CNOT7: variants seen among roughly 807,000 people sequenced by gnomAD.
CNOT7 encodes BTG1-binding factor 1.
A neutral mutation model predicts 37.1 loss-of-function variants in CNOT7; 4 were observed. The observed-to-expected ratio is 0.11, with a 90% confidence interval of 0.05 to 0.25. The LOEUF is 0.25. Ranked by LOEUF, CNOT7 falls within the 10% of genes least tolerant of loss-of-function variation. CNOT7 has a pLI of 1.00. For missense variants in CNOT7, 170 were observed against 336.2 expected (o/e 0.51, Z 3.87); for synonymous variants, 128 against 115.6 (o/e 1.11, Z -0.69).
intron 3 of CNOT7, among the ~76,000 whole-genome samples, chr8:17,238,894 C>A (rs1314562428): frequency 6.6e-6 from 1 of 152,202 alleles, no homozygotes; most frequent in Non-Finnish European, 1.5e-5. Context: ...GCCTCATCGC[C>A]AAAGCTAATT....
chr8:17,236,598 T>C (rs1809395439), intron 4 of CNOT7, among the ~76,000 whole-genome samples: 1 of 152,138 alleles, frequency 6.6e-6, no homozygotes, highest in Admixed American at 6.5e-5. Context: ...AGGGATGCCT[T>C]ATCACTTTAA....
chr8:17,234,667 C>G (rs1331502913), intron 5 of CNOT7, 49 bp downstream of exon 5: 17 of 1,599,170 alleles, frequency 1.1e-5, no homozygotes, highest in Non-Finnish European at 1.4e-5. Flanking sequence ...ATGACAGTCA[C>G]TTGGTCTGAA....
At chr8:17,244,119 G>C (rs1480140045) in intron 2 of CNOT7, among the ~76,000 whole-genome samples, 1 of 152,172 alleles carries the variant, frequency 6.6e-6, no homozygotes, top group Non-Finnish European at 1.5e-5. Context: ...GGTGTTGGGA[G>C]AGAAAGGATT....
intron 3 of CNOT7, among the ~76,000 whole-genome samples, chr8:17,237,805 G>A (rs1285290322): frequency 2.0e-5 from 3 of 152,202 alleles, no homozygotes; most frequent in African/African-American, 7.2e-5. Context: ...CCCATCTCCC[G>A]TGCTCTCAGC....
At chr8:17,233,967 T>A (rs528940272) in intron 5 of CNOT7, among the ~76,000 whole-genome samples, 2 of 152,180 alleles carry the variant, frequency 1.3e-5, no homozygotes, top group South Asian at 4.2e-4. Flanking sequence ...GGCAGGAGAA[T>A]CACTTGAACC....
At chr8:17,232,303 CAT>C in intron 6 of CNOT7, 122 bp downstream of exon 6, 1 of 1,553,580 alleles carries the variant, frequency 6.4e-7, no homozygotes, top group Non-Finnish European at 8.6e-7. Context: ...GGATGTGACT[CAT>C]ATGGTATCTC....
At chr8:17,234,890 G>C (rs1400313379) in intron 4 of CNOT7, 30 bp from the exon 5 acceptor site, 2 of 1,603,394 alleles carry the variant, frequency 1.2e-6, no homozygotes, top group Admixed American at 1.7e-5. Flanking sequence ...ATAGAGAAGA[G>C]GGACATATAA....
At chr8:17,233,985 C>T (rs1472676471) in intron 5 of CNOT7, among the ~76,000 whole-genome samples, 3 of 152,078 alleles carry the variant, frequency 2.0e-5, no homozygotes, top group Non-Finnish European at 1.5e-5. Flanking sequence ...ACCCGGGAGG[C>T]GGAGGTTGCA....
chr8:17,242,065 C>A (rs1226927892), intron 3 of CNOT7: 1 of 152,186 alleles, frequency 6.6e-6, no homozygotes, highest in African/African-American at 2.4e-5. Context: ...CTCACTCACA[C>A]TGGGACAACT....
In CNOT7 at chr8:17,227,548, T is replaced by A. The variant is rs1017429417; in HGVS notation, c.*3172A>T. 1 of 151,940 alleles carries A rather than the reference T, an allele frequency of 6.6e-6. No homozygotes were observed. Among genetic ancestry groups the A allele is most frequent in the African/African-American group, 2.4e-5 (1 of 41,424 alleles). 9.4% of individuals were successfully genotyped at this position (151,940 alleles called of 1,614,324 possible). A position where few individuals can be genotyped will look rare whatever the true frequency, so the allele number is the denominator to read the frequency against. ...GTAATTCAGCATTAGTAAATGGTTTTCTTTGCTTGGCTAACAAATAGGCTA... is the reference window on the plus strand; with the variant it reads ...GTAATTCAGCATTAGTAAATGGTTTACTTTGCTTGGCTAACAAATAGGCTA... On this transcript the variant is annotated 3_prime_UTR_variant, in exon 7 of 7. Coordinates refer to ENST00000361272, the MANE Select transcript of CNOT7 (RefSeq NM_013354.7).
chr8:17,227,309 C>G lies in CNOT7; in HGVS notation c.*3411G>C, dbSNP rs1808225274. ...TTTGAAAATATTCCCACTTGTAGTT[C>G]CATACAAATTCTTCGATCACTTCAA... On this transcript the variant is annotated 3_prime_UTR_variant, in exon 7 of 7. Transcript: ENST00000361272. 3 of 151,810 alleles carry G rather than the reference C, an allele frequency of 2.0e-5. No homozygotes were observed. The highest frequency in any genetic ancestry group is 2.1e-4 in the South Asian group (1 of 4,830). 9.4% of individuals were successfully genotyped at this position (151,810 alleles called of 1,614,324 possible).
intron 3 of CNOT7, among the ~76,000 whole-genome samples, chr8:17,239,383 CCTT>C (rs1231638678): frequency 2.0e-5 from 3 of 152,016 alleles, no homozygotes; most frequent in African/African-American, 4.8e-5. Context: ...CTCTCTATCT[CCTT>C]CTTTACACTG....
At chr8:17,244,781 C>T (rs1360628838) in intron 2 of CNOT7, 1 of 374,708 alleles carries the variant, frequency 2.7e-6, no homozygotes, top group Non-Finnish European at 4.8e-6. Context: ...CAAATCCTTC[C>T]TAACTCTTAT....
At chr8:17,239,028 T>A (rs1175306341) in intron 3 of CNOT7, among the ~76,000 whole-genome samples, 7 of 152,212 alleles carry the variant, frequency 4.6e-5, no homozygotes, top group Non-Finnish European at 8.8e-5. Context: ...GTGTATTATC[T>A]GTAAAACAAA....
chr8:17,228,664 G>A lies in CNOT7; in HGVS notation c.*2056C>T, dbSNP rs532014543. On this transcript the variant is annotated 3_prime_UTR_variant, in exon 7 of 7. Coordinates refer to ENST00000361272, the MANE Select transcript of CNOT7 (RefSeq NM_013354.7). Reference sequence around the variant, plus strand: ...TGTAAAGTTGAAAAATCATTAAGTCGAAAGTAAGTTAGGGATTATCTATAC... The same window carrying A: ...TGTAAAGTTGAAAAATCATTAAGTCAAAAGTAAGTTAGGGATTATCTATAC... The A allele has an allele frequency of 1.2e-4, 18 of 151,994 alleles. No homozygotes were observed. The East Asian group carries it at 1.9e-3, about 16-fold the overall frequency. 9.4% of individuals were successfully genotyped at this position (151,994 alleles called of 1,614,324 possible). A position where few individuals can be genotyped will look rare whatever the true frequency, so the allele number is the denominator to read the frequency against.
intron 5 of CNOT7, among the ~76,000 whole-genome samples, chr8:17,234,190 G>GA (rs1809022190): frequency 1.3e-5 from 2 of 152,180 alleles, no homozygotes; most frequent in South Asian, 2.1e-4. Flanking sequence ...TTTGGCCACA[G>GA]AAAAATCTTT....
rs116127589 is a variant in CNOT7 at position 17,236,797 on chromosome 8, G to C, written c.473+415C>G. Among the ~76,000 whole-genome samples the C allele has an allele frequency of 5.1e-3, 769 of 152,224 alleles. 2 individuals carry two copies. Among genetic ancestry groups the C allele is most frequent in the African/African-American group, 0.018 (734 of 41,532 alleles). On this transcript the variant is annotated intron_variant, in intron 4 of 6. Transcript: ENST00000361272. ...TGTTTTATTCACACCTTAGTTCCTA[G>C]AATCTCATCTCAGTGCCTGCCATAT...
chr8:17,245,116 A>G lies in CNOT7; in HGVS notation c.37T>C (p.Cys13Arg), dbSNP rs970479963. The G allele has an allele frequency of 4.3e-6, 7 of 1,613,574 alleles. No individual in the cohort carries two copies. The highest frequency in any genetic ancestry group is 5.9e-6 in the Non-Finnish European group (7 of 1,179,842). Residue 13 changes from cysteine to arginine, a missense_variant, in exon 2 of 7, where the codon TGT (cysteine) becomes CGT (arginine). By Grantham distance (180) the Cys-to-Arg change is radical (BLOSUM62 -3). Coordinates refer to ENST00000361272, the MANE Select transcript of CNOT7 (RefSeq NM_013354.7). ...AATVDHSQRI[C>R]EVWACNLDEE... The stretch of plus-strand genomic sequence containing the variant: ...TCCAAGTTGCAAGCCCAAACTTCAC[A>G]AATTCTTTGGCTATGATCTACAGTT...
rs116829557 is a variant in CNOT7 at position 17,230,427 on chromosome 8, G to A, written c.*293C>T. ...GGGAAAAATAAACCAAACTCAAGTC[G>A]GTAAAGTTTATCAAAATATTCAATG... is the stretch of plus-strand genomic sequence containing the variant. On this transcript the variant is annotated 3_prime_UTR_variant, in exon 7 of 7. Coordinates refer to ENST00000361272, the MANE Select transcript of CNOT7 (RefSeq NM_013354.7). 263 of 189,452 alleles carry A rather than the reference G, an allele frequency of 1.4e-3. No individual in the cohort carries two copies. Among genetic ancestry groups the A allele is most frequent in the African/African-American group, 5.5e-3 (234 of 42,910 alleles). The allele number at this position is 189,452 out of a possible 1,614,324, so 11.7% of individuals were successfully genotyped here.
Sources: gnomAD v4.1 joint callset for allele counts (sites outside exome capture counted in the v4.1 genomes callset) on GRCh38, gnomAD v4.1.1 for gene constraint, MANE v1.5 for transcripts, NCBI Gene and HGNC (gene_info 2026-07-23, HGNC 2026-07-21) for gene names.